CERS3: variants seen among roughly 807,000 people sequenced by gnomAD.
CERS3 encodes LAG1 homolog, ceramide synthase 3.
In CERS3, 33 loss-of-function variants were observed where a neutral mutation model predicts 50.3. The observed-to-expected ratio is 0.66, with a 90% CI of 0.50 to 0.88. The LOEUF (loss-of-function observed/expected upper bound fraction) is 0.88. Ranked by LOEUF, CERS3 falls within the 40% of genes least tolerant of loss-of-function variation. CERS3 has a pLI of 0.00. For synonymous variants in CERS3, 176 were observed against 155.2 expected (o/e 1.13, Z -0.99); for missense variants, 470 against 460.3 (o/e 1.02, Z -0.19).
At chr15:100,407,050 A>G (rs1161432276) in intron 11 of CERS3, among the ~76,000 whole-genome samples, 2 of 152,130 alleles carry the variant, frequency 1.3e-5, no homozygotes, top group South Asian at 2.1e-4. Context: ...CCATGATTCA[A>G]TTACCTCCCA....
intron 2 of CERS3, among the ~76,000 whole-genome samples, chr15:100,514,759 T>A (rs1157756528): frequency 2.7e-5 from 4 of 149,844 alleles, no homozygotes; most frequent in African/African-American, 9.8e-5. Flanking sequence ...TGATACTATT[T>A]TATACATATC....
chr15:100,486,548 C>A (rs1596744866), intron 4 of CERS3, among the ~76,000 whole-genome samples: 1 of 152,196 alleles, frequency 6.6e-6, no homozygotes, highest in East Asian at 1.9e-4. Flanking sequence ...CCATGGACTA[C>A]AAATCATTTA....
At chr15:100,441,200 G>T (rs186639787) in intron 11 of CERS3, among the ~76,000 whole-genome samples, 2 of 150,650 alleles carry the variant, frequency 1.3e-5, no homozygotes, top group African/African-American at 2.4e-5. Context: ...TTATCTCTGC[G>T]CCCTGATCCC....
rs139391598 is a variant in CERS3, at chr15:100,413,162, T to C, written c.1000-10297A>G. Among the ~76,000 whole-genome samples the C allele has an allele frequency of 4.4e-3, 663 of 152,340 alleles. 5 individuals carry two copies. The highest frequency in any genetic ancestry group is 0.015 in the African/African-American group (605 of 41,582). ...GGGATTAAAACTGTTGTTTAACATA[T>C]TCTCCAAATTGCCATATTTTACATC... On this transcript the variant is annotated intron_variant, in intron 11 of 11. Coordinates refer to ENST00000679737, the MANE Select transcript of CERS3 (RefSeq NM_001378789.1).
chr15:100,539,030 T>G (rs370194371), intron 1 of CERS3, among the ~76,000 whole-genome samples: 32 of 152,132 alleles, frequency 2.1e-4, no homozygotes, highest in African/African-American at 7.0e-4. Context: ...CTCTCTCAAG[T>G]TCAAAGTTCC....
At chr15:100,523,740 G>A (rs759744325) in intron 1 of CERS3, among the ~76,000 whole-genome samples, 20 of 150,626 alleles carry the variant, frequency 1.3e-4, no homozygotes, top group Non-Finnish European at 2.9e-4. Context: ...GTCTACCCAA[G>A]GTCATACATA....
At chr15:100,531,131 C>T (rs1164405504), upstream of CERS3, among the ~76,000 whole-genome samples, 1 of 152,140 alleles carries the variant, frequency 6.6e-6, no homozygotes, top group Non-Finnish European at 1.5e-5. Flanking sequence ...TGTAGAACCA[C>T]ATGTTTTCAT....
At chr15:100,413,509 C>CGACTA (rs1567592603) in intron 11 of CERS3, among the ~76,000 whole-genome samples, 2 of 136,214 alleles carry the variant, frequency 1.5e-5, no homozygotes, top group African/African-American at 2.8e-5. Context: ...ACACAACTGA[C>CGACTA]GACTATACTA....
At chr15:100,444,344 C>G (rs971457904) in intron 11 of CERS3, among the ~76,000 whole-genome samples, 3 of 142,242 alleles carry the variant, frequency 2.1e-5, no homozygotes, top group East Asian at 4.2e-4. Flanking sequence ...GTTCCTGGCC[C>G]GGACTTCAAT....
intron 11 of CERS3, among the ~76,000 whole-genome samples, chr15:100,417,992 A>G (rs2032091347): frequency 6.6e-6 from 1 of 152,156 alleles, no homozygotes; most frequent in African/African-American, 2.4e-5. Flanking sequence ...AAAACAGAAC[A>G]CAAAAACTGG....
chr15:100,440,317 C>T (rs2033622514), intron 11 of CERS3, among the ~76,000 whole-genome samples: 1 of 152,210 alleles, frequency 6.6e-6, no homozygotes. Context: ...CATACACATC[C>T]AGATGGCCTG....
At chr15:100,518,417 T>C (rs1393946) in intron 2 of CERS3, among the ~76,000 whole-genome samples, 94,633 of 151,886 alleles carry the variant, frequency 0.62, 29,735 homozygotes, top group Admixed American at 0.73. Flanking sequence ...ATTTCATTTA[T>C]TCAATTTTTT....
intron 7 of CERS3, among the ~76,000 whole-genome samples, chr15:100,476,435 G>A (rs1481744417): frequency 6.6e-6 from 1 of 152,138 alleles, no homozygotes; most frequent in Admixed American, 6.5e-5. Context: ...ACTGCCACAG[G>A]TGTAAATGCC....
intron 10 of CERS3, among the ~76,000 whole-genome samples, chr15:100,466,420 G>A (rs545123640): frequency 5.0e-4 from 76 of 152,220 alleles, no homozygotes; most frequent in Admixed American, 1.6e-3. Flanking sequence ...CAAATTCTTC[G>A]AAACTGCTCC....
Position 100,442,630 on chromosome 15 carries a change from T to C in CERS3, c.999+13263A>G, listed in dbSNP as rs1043489576. ...CTGGGATTCCTCCTAAGCCGTGTCCTGTCTATGCGGGACCCCACTGAAAAT... is the reference window on the plus strand; with the variant it reads ...CTGGGATTCCTCCTAAGCCGTGTCCCGTCTATGCGGGACCCCACTGAAAAT... On this transcript the variant is annotated intron_variant, in intron 11 of 11. Transcript: ENST00000679737. Among the ~76,000 whole-genome samples the C allele has an allele frequency of 3.0e-4, 45 of 151,742 alleles. 1 individual carries two copies. The East Asian group carries it at 4.3e-3, about 14-fold the overall frequency.
chr15:100,487,909 G>T (rs2142290214), intron 4 of CERS3, among the ~76,000 whole-genome samples: 1 of 152,270 alleles, frequency 6.6e-6, no homozygotes, highest in South Asian at 2.1e-4. Context: ...GAACTTACTT[G>T]CTCTGCATCA....
chr15:100,529,632 G>C (rs141228138), upstream of CERS3, among the ~76,000 whole-genome samples: 63 of 152,284 alleles, frequency 4.1e-4, no homozygotes, highest in Non-Finnish European at 7.1e-4. Context: ...GGCAAGTGTG[G>C]ATGCATTTTA....
intron 11 of CERS3, among the ~76,000 whole-genome samples, chr15:100,411,520 G>A (rs985489279): frequency 3.3e-5 from 5 of 152,058 alleles, no homozygotes; most frequent in Non-Finnish European, 7.4e-5. Flanking sequence ...ATCACATATT[G>A]TTTATCCAAT....
intron 10 of CERS3, among the ~76,000 whole-genome samples, chr15:100,461,202 C>G (rs187859506): frequency 1.6e-3 from 237 of 152,260 alleles, no homozygotes; most frequent in African/African-American, 5.5e-3. Flanking sequence ...TGGCTCGAAA[C>G]CTGCATAAGT....
Sources: allele counts gnomAD v4.1 joint callset (sites outside exome capture counted in the v4.1 genomes callset), GRCh38; gene constraint gnomAD v4.1.1; transcripts MANE v1.5; gene names NCBI Gene and HGNC (gene_info 2026-07-23, HGNC 2026-07-21).